PPARGC1A: variants seen among roughly 807,000 people sequenced by gnomAD.
PPARGC1A encodes the protein PPARG coactivator 1 alpha.
A neutral mutation model predicts 88.7 loss-of-function variants in PPARGC1A; 25 were observed. The ratio of observed to expected loss-of-function variants is 0.28; its 90% CI spans 0.21 to 0.39. The LOEUF (loss-of-function observed/expected upper bound fraction) is 0.39. Ranked by LOEUF, PPARGC1A falls within the 10% of genes least tolerant of loss-of-function variation. The pLI, the probability that PPARGC1A is intolerant of heterozygous loss-of-function variation, is 1.00. For synonymous variants in PPARGC1A, 363 were observed against 355.6 expected (o/e 1.02, Z -0.24); for missense variants, 880 against 968.7 (o/e 0.91, Z 1.22).
chr4:24,296,322 TA>T, the PPARGC1A span, among the ~76,000 whole-genome samples: 1 of 151,990 alleles, frequency 6.6e-6, no homozygotes, highest in Non-Finnish European at 1.5e-5. Context: ...ATTCTTACCT[TA>T]AAAATTATTC....
chr4:24,043,082 A>C, the PPARGC1A span, among the ~76,000 whole-genome samples: 3 of 152,126 alleles, frequency 2.0e-5, no homozygotes. Flanking sequence ...TTGGGATCAG[A>C]AAACTGGGGT....
At chr4:24,377,598 C>T in the PPARGC1A span, among the ~76,000 whole-genome samples, 14 of 151,968 alleles carry the variant, frequency 9.2e-5, no homozygotes, top group African/African-American at 2.9e-4. Flanking sequence ...AGGATGGTTT[C>T]GTGGGCATTT....
the PPARGC1A span, among the ~76,000 whole-genome samples, chr4:24,338,217 C>T: frequency 2.2e-4 from 34 of 152,126 alleles, no homozygotes; most frequent in South Asian, 6.0e-3. Flanking sequence ...TAAAATCCTG[C>T]GAGCCACTGA....
At chr4:24,073,187 A>G in the PPARGC1A span, among the ~76,000 whole-genome samples, 2 of 152,084 alleles carry the variant, frequency 1.3e-5, no homozygotes, top group Non-Finnish European at 2.9e-5. Flanking sequence ...GACTACAGGC[A>G]CTTGCCACCA....
At chr4:24,453,873 T>C in the PPARGC1A span, among the ~76,000 whole-genome samples, 270 of 151,966 alleles carry the variant, frequency 1.8e-3, 2 homozygotes, top group African/African-American at 6.2e-3. Context: ...TATGATGTGG[T>C]CTTGAAGATA....
At chr4:23,796,028 C>A in intron 12 of PPARGC1A, 103 bp from the exon 13 acceptor site, 1 of 801,136 alleles carries the variant, frequency 1.2e-6, no homozygotes, top group Non-Finnish European at 2.1e-6. Flanking sequence ...CTCTTCCAAT[C>A]AATATACTTT....
chr4:24,109,587 T>C, the PPARGC1A span, among the ~76,000 whole-genome samples: 1 of 152,194 alleles, frequency 6.6e-6, no homozygotes, highest in Non-Finnish European at 1.5e-5. Flanking sequence ...ACTTACGGCA[T>C]CTGAAATGTT....
chr4:24,064,882 G>A, the PPARGC1A span, among the ~76,000 whole-genome samples: 1 of 152,024 alleles, frequency 6.6e-6, no homozygotes, highest in Non-Finnish European at 1.5e-5. Flanking sequence ...TTACAATCCA[G>A]GTTAGTGGAT....
chr4:24,355,033 G>A, the PPARGC1A span, among the ~76,000 whole-genome samples: 2 of 152,186 alleles, frequency 1.3e-5, no homozygotes, highest in African/African-American at 4.8e-5. Context: ...AGCCAAGAGA[G>A]ACCAGGGAAT....
At chr4:24,444,535 C>A in the PPARGC1A span, among the ~76,000 whole-genome samples, 7 of 152,082 alleles carry the variant, frequency 4.6e-5, no homozygotes, top group East Asian at 1.2e-3. Flanking sequence ...ACCCAAAGAG[C>A]CTACAGTCTG....
chr4:24,301,918 G>C, the PPARGC1A span, among the ~76,000 whole-genome samples: 1 of 152,042 alleles, frequency 6.6e-6, no homozygotes, highest in South Asian at 2.1e-4. Context: ...CTGAAGGAAT[G>C]GCCATTTTCT....
the PPARGC1A span, among the ~76,000 whole-genome samples, chr4:24,277,776 G>A: frequency 6.6e-6 from 1 of 152,108 alleles, no homozygotes; most frequent in African/African-American, 2.4e-5. Context: ...AGTACCAAAT[G>A]GGGGTCAGGA....
intron 2 of PPARGC1A, chr4:23,882,658 A>G (rs900997579): frequency 2.0e-5 from 3 of 152,176 alleles, no homozygotes; most frequent in African/African-American, 7.2e-5. Context: ...CTAATGAGAG[A>G]CTAAATTAAA....
chr4:23,852,992 C>T (rs528214006), intron 2 of PPARGC1A, among the ~76,000 whole-genome samples: 1 of 152,116 alleles, frequency 6.6e-6, no homozygotes, highest in South Asian at 2.1e-4. Flanking sequence ...TGAAATAATT[C>T]CAATCAAAAT....
chr4:24,468,519 C>T, the PPARGC1A span, among the ~76,000 whole-genome samples: 26 of 152,198 alleles, frequency 1.7e-4, no homozygotes, highest in Admixed American at 9.8e-4. Context: ...AGATATAGGA[C>T]GAAATTTCCC....
chr4:24,328,586 G>A, the PPARGC1A span, among the ~76,000 whole-genome samples: 1 of 152,178 alleles, frequency 6.6e-6, no homozygotes, highest in Non-Finnish European at 1.5e-5. Context: ...ATAGTTAAAG[G>A]GGTTTACCTA....
the PPARGC1A span, among the ~76,000 whole-genome samples, chr4:24,459,456 G>GAA: frequency 3.0e-5 from 4 of 133,152 alleles, no homozygotes; most frequent in African/African-American, 8.1e-5. Flanking sequence ...TGTAAATAAT[G>GAA]AAAAAAAAAA....
the PPARGC1A span, among the ~76,000 whole-genome samples, chr4:24,273,051 T>C: frequency 3.3e-5 from 5 of 152,242 alleles, no homozygotes; most frequent in African/African-American, 9.6e-5. Flanking sequence ...ACTTGGTTCT[T>C]AATCGAACAT....
chr4:23,911,773 A>AT, the PPARGC1A span, among the ~76,000 whole-genome samples: 1 of 152,180 alleles, frequency 6.6e-6, no homozygotes, highest in Non-Finnish European at 1.5e-5. Context: ...AAAATCACTC[A>AT]TTTTTATTGT....
Sources: allele counts gnomAD v4.1 joint callset (sites outside exome capture counted in the v4.1 genomes callset), GRCh38; gene constraint gnomAD v4.1.1; transcripts MANE v1.5; gene names NCBI Gene and HGNC (gene_info 2026-07-23, HGNC 2026-07-21).